POU3F3: variants seen among roughly 807,000 people sequenced by gnomAD.
The protein encoded by POU3F3 is POU class 3 homeobox 3, also known as POU domain, class 3, transcription factor 3.
In POU3F3, 1 loss-of-function variant was observed where a neutral mutation model predicts 8.6. That is an observed-to-expected ratio of 0.12 (90% CI 0.04 to 0.55). The LOEUF (loss-of-function observed/expected upper bound fraction) is 0.55, where lower values mean the gene tolerates loss of function less well. Ranked by LOEUF, POU3F3 falls within the 20% of genes least tolerant of loss-of-function variation. POU3F3 has a pLI of 0.91. For missense variants in POU3F3, 577 were observed against 690.7 expected, an observed-to-expected ratio of 0.84 and a Z score of 1.84; for synonymous variants, 418 against 327.4, an observed-to-expected ratio of 1.28 and a Z score of -2.99.
chr2:104,860,980 G>A (rs919135378), downstream of POU3F3, among the ~76,000 whole-genome samples: 5 of 151,428 alleles, frequency 3.3e-5, no homozygotes, highest in Admixed American at 6.6e-5. Context: ...TAGTTTTATC[G>A]ATAAGTGTAA....
chr2:104,907,496 G>A, the POU3F3 span, among the ~76,000 whole-genome samples: 564 of 152,270 alleles, frequency 3.7e-3, 2 homozygotes, highest in African/African-American at 0.013. Context: ...TTTTAGCTAC[G>A]TCCCTAGGGC....
At chr2:104,914,265 G>A in the POU3F3 span, among the ~76,000 whole-genome samples, 1 of 152,318 alleles carries the variant, frequency 6.6e-6, no homozygotes, top group East Asian at 1.9e-4. Flanking sequence ...TATAAATGGT[G>A]TTAATCCACT....
At chr2:104,882,243 ATTTTT>A in the POU3F3 span, among the ~76,000 whole-genome samples, 2 of 111,284 alleles carry the variant, frequency 1.8e-5, no homozygotes, top group Admixed American at 9.1e-5. Flanking sequence ...GAAAACCTGA[ATTTTT>A]TTTTTTTTTT....
chr2:104,872,659 C>T, the POU3F3 span: 3 of 272,548 alleles, frequency 1.1e-5, no homozygotes, highest in African/African-American at 7.1e-5. This position sits in a 1 kb window ranked among gnomAD's most constrained non-coding sequence, Gnocchi z 4.6. Flanking sequence ...CCCCGCCGGC[C>T]CGCGTGCAGC....
chr2:104,894,558 G>A, the POU3F3 span, among the ~76,000 whole-genome samples: 5 of 152,298 alleles, frequency 3.3e-5, no homozygotes, highest in South Asian at 1.0e-3. Flanking sequence ...CCACCATGGG[G>A]TGAGGAAAGG....
At chr2:104,911,309 G>A in the POU3F3 span, among the ~76,000 whole-genome samples, 1 of 151,744 alleles carries the variant, frequency 6.6e-6, no homozygotes, top group Non-Finnish European at 1.5e-5. Context: ...AGCTACTAGG[G>A]AGGCTGAGGC....
At chr2:104,919,318 T>C in the POU3F3 span, among the ~76,000 whole-genome samples, 1 of 152,240 alleles carries the variant, frequency 6.6e-6, no homozygotes. Context: ...GACTTTGCCC[T>C]CTGGACTTAA....
At chr2:104,924,492 C>T in the POU3F3 span, among the ~76,000 whole-genome samples, 7 of 152,182 alleles carry the variant, frequency 4.6e-5, no homozygotes, top group African/African-American at 1.7e-4. Flanking sequence ...CCTTGGCCTA[C>T]TCTGATGCTT....
the POU3F3 span, among the ~76,000 whole-genome samples, chr2:104,902,395 C>T: frequency 6.6e-6 from 1 of 152,190 alleles, no homozygotes. Flanking sequence ...AAAGAAATCT[C>T]AGCTCCCGAG....
At chr2:104,923,245 A>G in the POU3F3 span, among the ~76,000 whole-genome samples, 1 of 152,216 alleles carries the variant, frequency 6.6e-6, no homozygotes, top group Non-Finnish European at 1.5e-5. Context: ...GGAATTTATA[A>G]AAGCTGGTAT....
chr2:104,873,266 G>A, the POU3F3 span, among the ~76,000 whole-genome samples: 2 of 152,164 alleles, frequency 1.3e-5, no homozygotes, highest in Admixed American at 1.3e-4. Flanking sequence ...ACCCCTTTCC[G>A]CCCGCGCACC....
chr2:104,886,043 C>T, the POU3F3 span, among the ~76,000 whole-genome samples: 1 of 152,138 alleles, frequency 6.6e-6, no homozygotes, highest in Non-Finnish European at 1.5e-5. Flanking sequence ...ATGATCCACC[C>T]GCCTCAGCCT....
chr2:104,877,949 C>T, the POU3F3 span, among the ~76,000 whole-genome samples: 1 of 152,218 alleles, frequency 6.6e-6, no homozygotes, highest in Non-Finnish European at 1.5e-5. Context: ...AGCCACCACG[C>T]CCAGCCACTG....
rs754300848 is a variant in POU3F3, at chr2:104,855,818, ACGCCGC to A, written c.324_329del (p.Ala114_Ala115del). 6.2e-5 allele frequency: 70 copies of A among 1,123,174 alleles called. 1 individual carries two copies. Among genetic ancestry groups the A allele is most frequent in the South Asian group, 1.6e-4 (7 of 43,220 alleles). The allele number at this position is 1,123,174 out of a possible 1,614,324, so 69.6% of individuals were successfully genotyped here. On this transcript the variant is annotated inframe_deletion, in exon 1 of 1. Coordinates refer to ENST00000361360, the MANE Select transcript of POU3F3 (RefSeq NM_006236.3). ...CACCAGTGGGTCACAGCCCTGCCCC[ACGCCGC>A]CGCCGCCGCCGCCGCTGCCGCCGCC...
the POU3F3 span, among the ~76,000 whole-genome samples, chr2:104,916,681 TAG>T: frequency 6.6e-6 from 1 of 152,124 alleles, no homozygotes; most frequent in Non-Finnish European, 1.5e-5. Context: ...TCCCATATTC[TAG>T]CACAGCAAGT....
the POU3F3 span, among the ~76,000 whole-genome samples, chr2:104,912,806 A>G: frequency 3.9e-5 from 6 of 152,168 alleles, no homozygotes; most frequent in Non-Finnish European, 7.3e-5. Context: ...CGGGATGAGG[A>G]TGCCATGATG....
the POU3F3 span, among the ~76,000 whole-genome samples, chr2:104,896,018 A>G: frequency 4.6e-5 from 7 of 152,146 alleles, no homozygotes; most frequent in South Asian, 6.2e-4. Flanking sequence ...TCAGCACACA[A>G]GGGCTCGGTA....
chr2:104,918,204 G>A, the POU3F3 span, among the ~76,000 whole-genome samples: 1 of 152,188 alleles, frequency 6.6e-6, no homozygotes, highest in African/African-American at 2.4e-5. Context: ...AAAGTCTCAG[G>A]ATTTCTTGCC....
Position 104,857,018 on chromosome 2 carries a change from A to T in POU3F3, c.*5A>T, listed in dbSNP as rs751709007. 6 of 1,578,968 alleles carry T rather than the reference A, an allele frequency of 3.8e-6. No individual in the cohort carries two copies. The East Asian group carries it at 1.1e-4, about 30-fold the overall frequency. On this transcript the variant is annotated 3_prime_UTR_variant, in exon 1 of 1. Coordinates refer to ENST00000361360, the MANE Select transcript of POU3F3 (RefSeq NM_006236.3). Reference sequence around the variant, plus strand: ...CTGCAGACGAGCGTTCAGTGAAGCCAGGGCGCAGAGCGAAGAGGGCCGCCG... The same window carrying T: ...CTGCAGACGAGCGTTCAGTGAAGCCTGGGCGCAGAGCGAAGAGGGCCGCCG...
Sources: allele counts gnomAD v4.1 joint callset (sites outside exome capture counted in the v4.1 genomes callset), GRCh38; gene constraint gnomAD v4.1.1; non-coding constraint Gnocchi (gnomAD v3.1); transcripts MANE v1.5; gene names NCBI Gene and HGNC (gene_info 2026-07-23, HGNC 2026-07-21).